Variants in GLIS3 observed in about 807,000 individuals in gnomAD.
GLIS3 encodes zinc finger protein GLIS3.
In GLIS3, 53 loss-of-function variants were observed where a neutral mutation model predicts 78.6. That is an observed-to-expected ratio of 0.67 (90% CI 0.54 to 0.85). The LOEUF is 0.85. Ranked by LOEUF, GLIS3 falls within the 40% of genes least tolerant of loss-of-function variation. The pLI, the probability that GLIS3 is intolerant of heterozygous loss-of-function variation, is 0.00. For missense variants in GLIS3, 1,703 were observed against 1,231.1 expected, an observed-to-expected ratio of 1.38 and a Z score of -5.74; for synonymous variants, 684 against 509.9, an observed-to-expected ratio of 1.34 and a Z score of -4.60.
chr9:3,946,660 T>C (rs1365988173), intron 4 of GLIS3, among the ~76,000 whole-genome samples: 2 of 152,220 alleles, frequency 1.3e-5, no homozygotes, highest in Admixed American at 6.5e-5. Context: ...CTGAGAAATT[T>C]GTAGCAACAA....
the GLIS3 span, among the ~76,000 whole-genome samples, chr9:4,469,974 C>A: frequency 2.0e-5 from 3 of 151,768 alleles, no homozygotes; most frequent in Non-Finnish European, 2.9e-5. Flanking sequence ...CACAGAAACA[C>A]AAACTACCAT....
intron 2 of GLIS3, among the ~76,000 whole-genome samples, chr9:4,200,665 A>T (rs1019115873): frequency 6.6e-6 from 1 of 152,198 alleles, no homozygotes; most frequent in African/African-American, 2.4e-5. Flanking sequence ...TCAGAAAAAA[A>T]CAAACAAAAA....
chr9:3,966,579 T>C (rs1042544242), intron 4 of GLIS3, among the ~76,000 whole-genome samples: 2 of 152,028 alleles, frequency 1.3e-5, no homozygotes, highest in African/African-American at 2.4e-5. Context: ...GCCAATCACC[T>C]GAGGTCAGGA....
intron 2 of GLIS3, among the ~76,000 whole-genome samples, chr9:4,331,979 G>C (rs1817695069): frequency 6.6e-6 from 1 of 152,172 alleles, no homozygotes; most frequent in African/African-American, 2.4e-5. Flanking sequence ...GCCCTTCCTA[G>C]CTCTTCTTCA....
At chr9:4,167,858 A>C (rs1816010575) in intron 2 of GLIS3, among the ~76,000 whole-genome samples, 1 of 152,140 alleles carries the variant, frequency 6.6e-6, no homozygotes, top group Non-Finnish European at 1.5e-5. Flanking sequence ...AGTGTTTCCT[A>C]TTCCGAAGTG....
intron 9 of GLIS3, among the ~76,000 whole-genome samples, chr9:3,849,838 G>C (rs1357337575): frequency 6.6e-6 from 1 of 152,068 alleles, no homozygotes; most frequent in Non-Finnish European, 1.5e-5. Flanking sequence ...GAACCCAGGA[G>C]GCAGAGGTTG....
the GLIS3 span, among the ~76,000 whole-genome samples, chr9:4,358,563 G>C: frequency 1.3e-5 from 2 of 152,124 alleles, no homozygotes; most frequent in Admixed American, 1.3e-4. Flanking sequence ...GGATACACCA[G>C]GGCCCAAGAA....
the GLIS3 span, among the ~76,000 whole-genome samples, chr9:4,376,151 T>C: frequency 1.3e-5 from 2 of 152,136 alleles, no homozygotes; most frequent in Non-Finnish European, 2.9e-5. Context: ...TGGTGTGCGC[T>C]CCTTCAAAGT....
chr9:3,952,971 T>TA (rs113836950), intron 4 of GLIS3, among the ~76,000 whole-genome samples: 139 of 152,282 alleles, frequency 9.1e-4, no homozygotes, highest in Middle Eastern at 6.8e-3. Context: ...ATGTTTAATT[T>TA]AAAAAAATCA....
chr9:4,385,912 G>A, the GLIS3 span, among the ~76,000 whole-genome samples: 3 of 152,098 alleles, frequency 2.0e-5, no homozygotes, highest in Admixed American at 1.3e-4. Context: ...CTAATCTCCT[G>A]TACCACTTAC....
chr9:4,036,405 A>G (rs1168496200), intron 4 of GLIS3, among the ~76,000 whole-genome samples: 1 of 152,206 alleles, frequency 6.6e-6, no homozygotes, highest in African/African-American at 2.4e-5. Context: ...ATATAAATAA[A>G]CAGATGTATA....
chr9:4,356,189 A>G, the GLIS3 span, among the ~76,000 whole-genome samples: 1 of 152,214 alleles, frequency 6.6e-6, no homozygotes, highest in Non-Finnish European at 1.5e-5. Context: ...ATGATTTGGT[A>G]AACAGGACCT....
At chr9:4,152,564 AAAT>A (rs1187560304) in intron 2 of GLIS3, among the ~76,000 whole-genome samples, 3 of 152,170 alleles carry the variant, frequency 2.0e-5, no homozygotes, top group Admixed American at 2.0e-4. Context: ...GTGAGTAATT[AAAT>A]AATCTCTCAA....
chr9:3,913,832 G>A (rs188068920), intron 6 of GLIS3, among the ~76,000 whole-genome samples: 1 of 152,316 alleles, frequency 6.6e-6, no homozygotes, highest in Admixed American at 6.5e-5. Context: ...CAACCCTTGA[G>A]TGTTTGATCA....
the GLIS3 span, among the ~76,000 whole-genome samples, chr9:4,370,525 G>A: frequency 1.3e-5 from 2 of 152,126 alleles, no homozygotes; most frequent in Non-Finnish European, 2.9e-5. Context: ...GACCTTTGAG[G>A]ATTTGGATTT....
the GLIS3 span, among the ~76,000 whole-genome samples, chr9:4,372,554 TA>T: frequency 0.34 from 46,503 of 137,778 alleles, 8,352 homozygotes; most frequent in African/African-American, 0.5. Context: ...GACCCTCCAA[TA>T]AAAAAAAAAA....
At chr9:3,859,396 C>T (rs1205490855) in intron 8 of GLIS3, among the ~76,000 whole-genome samples, 1 of 75,752 alleles carries the variant, frequency 1.3e-5, no homozygotes, top group Non-Finnish European at 3.0e-5. Context: ...CACACACACA[C>T]ACACATCAAA....
chr9:3,967,115 A>G (rs1476367786), intron 4 of GLIS3, among the ~76,000 whole-genome samples: 1 of 151,290 alleles, frequency 6.6e-6, no homozygotes, highest in Admixed American at 6.6e-5. Flanking sequence ...TTAGTAAAGA[A>G]GTCCAGTAAG....
intron 2 of GLIS3, among the ~76,000 whole-genome samples, chr9:4,146,831 A>G (rs1467410206): frequency 1.3e-5 from 2 of 152,244 alleles, no homozygotes; most frequent in African/African-American, 4.8e-5. Context: ...GAAGGATGCT[A>G]CAAGAGCTAT....
Sources: gnomAD v4.1 joint callset for allele counts (sites outside exome capture counted in the v4.1 genomes callset) on GRCh38, gnomAD v4.1.1 for gene constraint, MANE v1.5 for transcripts, NCBI Gene and HGNC (gene_info 2026-07-23, HGNC 2026-07-21) for gene names.